The following KCNQ2 variants were observed in gnomAD, a reference collection of about 807,000 sequenced individuals.
KCNQ2 encodes potassium voltage-gated channel subfamily Q member 2.
In KCNQ2, 14 loss-of-function variants were observed where a neutral mutation model predicts 84.8. The observed-to-expected ratio is 0.17, with a 90% CI of 0.11 to 0.26. KCNQ2 has a LOEUF of 0.26. Among genes scored for constraint, KCNQ2 ranks in the 10% least tolerant of loss-of-function variants. KCNQ2 has a pLI of 1.00. For missense variants in KCNQ2, 788 were observed against 1,254.0 expected (o/e 0.63, Z 5.61); for synonymous variants, 599 against 554.1 (o/e 1.08, Z -1.14).
intron 15 of KCNQ2, chr20:63,410,906 C>T: frequency 4.8e-6 from 2 of 418,336 alleles, no homozygotes; most frequent in Middle Eastern, 4.0e-4. Context: ...CCCAGGGGCT[C>T]TACCCTCCCT....
chr20:63,423,206 G>A (rs1030200150), intron 11 of KCNQ2, among the ~76,000 whole-genome samples: 3 of 152,166 alleles, frequency 2.0e-5, no homozygotes, highest in African/African-American at 7.2e-5. Context: ...CACTGACCAT[G>A]ACTCCCCTTC....
At chr20:63,412,745 T>A (rs1479878007) in intron 15 of KCNQ2, among the ~76,000 whole-genome samples, 1 of 152,162 alleles carries the variant, frequency 6.6e-6, no homozygotes, top group Non-Finnish European at 1.5e-5. Flanking sequence ...ACAGCCTTGG[T>A]TGGGGGGCCT....
intron 4 of KCNQ2, among the ~76,000 whole-genome samples, chr20:63,443,179 T>C (rs1412073648): frequency 7.0e-4 from 38 of 54,020 alleles, no homozygotes; most frequent in Admixed American, 1.4e-3. Context: ...CACATCACCA[T>C]CACCATCACC....
rs577281854 is a variant in KCNQ2 at position 63,407,213 on chromosome 20, C to T, written c.2050G>A (p.Gly684Ser). 6.9e-6 allele frequency: 11 copies of T among 1,605,138 alleles called. No individual in the cohort carries two copies. Among genetic ancestry groups the T allele is most frequent in the East Asian group, 6.7e-5 (3 of 44,846 alleles). The part of the protein sequence containing the change: ...EDSREHVDRH[G>S]CIVKIVRSSS... ...GAGCGCACGATCTTGACAATGCAGC[C>T]GTGCCTGTCGACATGCTCCCGGCTG... Residue 684 changes from glycine to serine, a missense_variant, in exon 17 of 17, where the codon GGC becomes AGC. Transcript: ENST00000359125. The surrounding 1 kb of genome is among the most constrained non-coding windows in gnomAD (Gnocchi z 7.2).
chr20:63,419,746 A>G (rs1198080663), intron 11 of KCNQ2, 74 bp from the exon 12 acceptor site: 1 of 1,324,140 alleles, frequency 7.6e-7, no homozygotes, highest in Non-Finnish European at 1.1e-6. Context: ...AAACTGAGGC[A>G]CTGCAACCAC....
chr20:63,410,682 CG>C (rs2080095911), intron 15 of KCNQ2, among the ~76,000 whole-genome samples: 1 of 152,186 alleles, frequency 6.6e-6, no homozygotes, highest in South Asian at 2.1e-4. Flanking sequence ...GGGAGGAGCA[CG>C]GGGCTGACAT....
intron 12 of KCNQ2, 75 bp downstream of exon 12, chr20:63,419,544 A>G: frequency 1.4e-6 from 2 of 1,469,270 alleles, no homozygotes; most frequent in Admixed American, 1.9e-5. Context: ...TGGCTCCTCC[A>G]GAACCTCTAG....
chr20:63,434,081 C>T (rs2080914802), intron 7 of KCNQ2, 178 bp from the exon 8 acceptor site: 5 of 603,644 alleles, frequency 8.3e-6, no homozygotes, highest in South Asian at 6.0e-5. Flanking sequence ...CTCAGTTTAC[C>T]CTCTGTAGGA....
chr20:63,421,385 G>A (rs893287083), intron 11 of KCNQ2, among the ~76,000 whole-genome samples: 2 of 152,206 alleles, frequency 1.3e-5, no homozygotes, highest in Admixed American at 6.5e-5. Flanking sequence ...TCTGAGAGCC[G>A]GGGAGAGCTG....
chr20:63,463,343 C>T (rs1405754907), intron 1 of KCNQ2, among the ~76,000 whole-genome samples: 1 of 152,180 alleles, frequency 6.6e-6, no homozygotes, highest in Non-Finnish European at 1.5e-5. Flanking sequence ...AGGCTGCCTC[C>T]TGCTCCGTCC....
At chr20:63,449,628 G>A (rs1303890825) in intron 1 of KCNQ2, among the ~76,000 whole-genome samples, 1 of 151,436 alleles carries the variant, frequency 6.6e-6, no homozygotes, top group East Asian at 1.9e-4. Context: ...TTGTGGGAGA[G>A]CCCCTGGGGA....
Position 63,404,957 on chromosome 20 carries a change from A to C in KCNQ2, c.*1687T>G, listed in dbSNP as rs1011155343. 3.3e-5 allele frequency: 5 copies of C among 152,290 alleles called. No homozygotes were observed. Among genetic ancestry groups the C allele is most frequent in the African/African-American group, 1.2e-4 (5 of 41,458 alleles). The allele number at this position is 152,290 out of a possible 1,614,324, so 9.4% of individuals were successfully genotyped here. A position where few individuals can be genotyped will look rare whatever the true frequency, so the allele number is the denominator to read the frequency against. ...GGAGTGCCCTGGCCGGGCTGGGGGT[A>C]GGCAGAGAGGCCAGGGCAGCAGCTC... On this transcript the variant is annotated 3_prime_UTR_variant, in exon 17 of 17. Transcript: ENST00000359125.
At chr20:63,465,892 T>C (rs76250917) in intron 1 of KCNQ2, among the ~76,000 whole-genome samples, 6,912 of 152,324 alleles carry the variant, frequency 0.045, 218 homozygotes, top group Non-Finnish European at 0.075. Flanking sequence ...AAAGGCGGCC[T>C]CATGGCTGGG....
chr20:63,405,760 C>G lies in KCNQ2; in HGVS notation c.*884G>C, dbSNP rs556496307. On this transcript the variant is annotated 3_prime_UTR_variant, in exon 17 of 17. Coordinates refer to ENST00000359125, the MANE Select transcript of KCNQ2 (RefSeq NM_172107.4). ...GGGAGGACTTGGGGTCCTGCCCCCC[C>G]GGTCTCCAAGGCTGGGGTGCTGCTG... is the stretch of plus-strand genomic sequence containing the variant. The G allele has an allele frequency of 6.6e-6, 1 of 152,368 alleles. No homozygotes were observed. Among genetic ancestry groups the G allele is most frequent in the South Asian group, 2.1e-4 (1 of 4,832 alleles). 9.4% of individuals were successfully genotyped at this position (152,368 alleles called of 1,614,324 possible).
chr20:63,419,558 G>C (rs1479549786), intron 12 of KCNQ2, 61 bp downstream of exon 12: 10 of 1,512,750 alleles, frequency 6.6e-6, no homozygotes, highest in Non-Finnish European at 8.1e-6. Flanking sequence ...CCTCTAGTAA[G>C]CAGGGAGGGG....
In KCNQ2 at chr20:63,400,776, T is replaced by C; in HGVS notation, c.*5868A>G. On this transcript the variant is annotated 3_prime_UTR_variant, in exon 17 of 17. Coordinates refer to ENST00000359125, the MANE Select transcript of KCNQ2 (RefSeq NM_172107.4). The surrounding 1 kb of genome is among the most constrained non-coding windows in gnomAD (Gnocchi z 8.7). ...TGGCGTCCAGCGGGACCACCAGCTC[T>C]GGGCGCCTCAGTGCGAGACCCCTCC... 1 of 398,494 alleles carries C rather than the reference T, an allele frequency of 2.5e-6. No individual in the cohort carries two copies. Among genetic ancestry groups the C allele is most frequent in the Admixed American group, 4.4e-5 (1 of 22,732 alleles). 24.7% of individuals were successfully genotyped at this position (398,494 alleles called of 1,614,324 possible). A position where few individuals can be genotyped will look rare whatever the true frequency, so the allele number is the denominator to read the frequency against.
At chr20:63,430,929 G>A (rs1284074942) in intron 9 of KCNQ2, among the ~76,000 whole-genome samples, 3 of 152,226 alleles carry the variant, frequency 2.0e-5, no homozygotes, top group African/African-American at 7.2e-5. Context: ...CCAGGGCAGG[G>A]GAAGCCCCCC....
In KCNQ2 at chr20:63,428,439, G is replaced by T; in HGVS notation, c.1149-4C>A. ...CTGGTTCAGCGGGGGGATAAGTCTGGGGCAAGAGAAGGAGAGGGGAGTGAG... is the reference window on the plus strand; with the variant it reads ...CTGGTTCAGCGGGGGGATAAGTCTGTGGCAAGAGAAGGAGAGGGGAGTGAG... On this transcript the variant is annotated splice_polypyrimidine_tract_variant and splice_region_variant and intron_variant, in intron 9 of 16. Transcript: ENST00000359125. The T allele has an allele frequency of 6.3e-7, 1 of 1,586,842 alleles. No homozygotes were observed. Among genetic ancestry groups the T allele is most frequent in the East Asian group, 2.3e-5 (1 of 44,058 alleles).
rs1264066133 is a variant in KCNQ2 at position 63,403,693 on chromosome 20, G to A, written c.*2951C>T. ...ATACAGGTGTGGTCAGTGCACATGTGTGCTATGTGGTCTGTGTGCATGTGT... is the reference window on the plus strand; with the variant it reads ...ATACAGGTGTGGTCAGTGCACATGTATGCTATGTGGTCTGTGTGCATGTGT... On this transcript the variant is annotated 3_prime_UTR_variant, in exon 17 of 17. Coordinates refer to ENST00000359125, the MANE Select transcript of KCNQ2 (RefSeq NM_172107.4). 1 of 152,212 alleles carries A rather than the reference G, an allele frequency of 6.6e-6. No individual in the cohort carries two copies. Among genetic ancestry groups the A allele is most frequent in the Admixed American group, 6.5e-5 (1 of 15,278 alleles). The allele number at this position is 152,212 out of a possible 1,614,324, so 9.4% of individuals were successfully genotyped here.
Sources: allele counts gnomAD v4.1 joint callset (sites outside exome capture counted in the v4.1 genomes callset), GRCh38; gene constraint gnomAD v4.1.1; non-coding constraint Gnocchi (gnomAD v3.1); transcripts MANE v1.5; gene names NCBI Gene and HGNC (gene_info 2026-07-23, HGNC 2026-07-21).